Variants in TFAP4 observed in about 807,000 individuals in gnomAD.
TFAP4 encodes the protein activating enhancer-binding protein 4.
Under a neutral mutation model 40.4 loss-of-function variants are expected in TFAP4, and 7 were observed. That is an observed-to-expected ratio of 0.17 (90% CI 0.10 to 0.33). The LOEUF is 0.33. Ranked by LOEUF, TFAP4 falls within the 10% of genes least tolerant of loss-of-function variation. The pLI, the probability that TFAP4 is intolerant of heterozygous loss-of-function variation, is 1.00. For synonymous variants in TFAP4, 218 were observed against 181.4 expected, an observed-to-expected ratio of 1.20 and a Z score of -1.62; for missense variants, 374 against 451.1, an observed-to-expected ratio of 0.83 and a Z score of 1.55.
chr16:4,260,412 C>T, intron 5 of TFAP4, 43 bp downstream of exon 5: 1 of 1,536,516 alleles, frequency 6.5e-7, no homozygotes, highest in Non-Finnish European at 8.7e-7. Flanking sequence ...CACCTGTCCC[C>T]TTCCCGGTCC....
In TFAP4 at chr16:4,272,801, G is replaced by A; in HGVS notation, c.-55C>T. The A allele has an allele frequency of 6.5e-7, 1 of 1,530,936 alleles. No homozygotes were observed. The highest frequency in any genetic ancestry group is 1.2e-5 in the South Asian group (1 of 85,078). 94.8% of individuals were successfully genotyped at this position (1,530,936 alleles called of 1,614,324 possible). ...CAGGTCCCGCGATCAGCCGGAGAAT[G>A]CAAGATGGAAATCCGAATCAAAGGG... On this transcript the variant is annotated 5_prime_UTR_variant, in exon 1 of 7. Coordinates refer to ENST00000204517, the MANE Select transcript of TFAP4 (RefSeq NM_003223.3).
chr16:4,262,502 G>T (rs775943575), intron 2 of TFAP4, 34 bp downstream of exon 2: 4 of 1,612,890 alleles, frequency 2.5e-6, no homozygotes, highest in East Asian at 2.2e-5. Flanking sequence ...GAACCTGCCG[G>T]CTCCTCCAGG....
At chr16:4,262,944 G>C (rs560363597) in intron 1 of TFAP4, 9 of 542,862 alleles carry the variant, frequency 1.7e-5, no homozygotes, top group Non-Finnish European at 2.3e-5. Context: ...GGGAGGTCAA[G>C]GCCAAGGATC....
intron 6 of TFAP4, 195 bp from the exon 7 acceptor site, chr16:4,258,444 C>G (rs1027496047): frequency 3.6e-6 from 2 of 554,016 alleles, no homozygotes; most frequent in Non-Finnish European, 3.2e-6. Context: ...GACAAGCTCT[C>G]GCTATATCAC....
intron 1 of TFAP4, chr16:4,263,397 C>G (rs1009343480): frequency 6.6e-6 from 1 of 152,242 alleles, no homozygotes; most frequent in Admixed American, 6.5e-5. Flanking sequence ...CATTCAGGGA[C>G]GCTGTCCCCG....
intron 6 of TFAP4, among the ~76,000 whole-genome samples, chr16:4,259,254 C>A (rs2052924913): frequency 6.6e-6 from 1 of 151,914 alleles, no homozygotes; most frequent in South Asian, 2.1e-4. Context: ...CTGCCTCAGC[C>A]TCCCGAATAG....
rs1334193825 is a variant in TFAP4 at position 4,260,003 on chromosome 16, C to T, written c.822+87G>A. 3.4e-6 allele frequency: 5 copies of T among 1,462,028 alleles called. No homozygotes were observed. In the Admixed American group the frequency reaches 1.1e-4, roughly 33 times the overall value. 90.6% of individuals were successfully genotyped at this position (1,462,028 alleles called of 1,614,324 possible). A position where few individuals can be genotyped will look rare whatever the true frequency, so the allele number is the denominator to read the frequency against. On this transcript the variant is annotated intron_variant, in intron 6 of 6. Transcript: ENST00000204517. ...CCCACACAAGCACCATCTTCCTCCG[C>T]TTCTGCCCCTCTTTTCCAGTCTCCC...
intron 3 of TFAP4, 175 bp from the exon 4 acceptor site, chr16:4,262,124 C>T: frequency 3.4e-6 from 3 of 880,742 alleles, no homozygotes; most frequent in East Asian, 2.6e-5. Flanking sequence ...CTTTACATAA[C>T]AGTCACCTGG....
chr16:4,271,446 C>T (rs539256286), intron 1 of TFAP4, among the ~76,000 whole-genome samples: 17 of 151,878 alleles, frequency 1.1e-4, no homozygotes, highest in African/African-American at 3.9e-4. Flanking sequence ...GTAGAACGCC[C>T]ACCTCCCCCA....
Position 4,262,418 on chromosome 16 carries a change from G to A in TFAP4, c.260C>T (p.Ala87Val), listed in dbSNP as rs2052957414. 3.1e-6 allele frequency: 5 copies of A among 1,614,184 alleles called. No individual in the cohort carries two copies. Among genetic ancestry groups the A allele is most frequent in the East Asian group, 4.5e-5 (2 of 44,884 alleles). ...GTACTCGGCTGTCTGCTGGAGAATG[G>A]CTGCCTGAGGGCGTGGAAAAGCCGA... ...HTDGEKLSKA[A>V]ILQQTAEYIF... The change falls in exon 3 of 7, where the codon GCC (alanine) becomes GTC (valine). Residue 87 changes from alanine to valine, a missense_variant. By Grantham distance (64) the Ala-to-Val change is moderately conservative. Transcript: ENST00000204517.
At chr16:4,270,971 T>C (rs1253997342) in intron 1 of TFAP4, among the ~76,000 whole-genome samples, 1 of 152,234 alleles carries the variant, frequency 6.6e-6, no homozygotes, top group Non-Finnish European at 1.5e-5. Context: ...AAAGACACTT[T>C]TGACTCATAG....
At chr16:4,261,684 T>C (rs1423216042) in intron 4 of TFAP4, 95 bp downstream of exon 4, 87 of 1,374,490 alleles carry the variant, frequency 6.3e-5, no homozygotes, top group Non-Finnish European at 7.7e-5. Context: ...CTCCTGTAAA[T>C]AGGGCTCCAC....
chr16:4,260,224 T>TGGCCCCCCCCGGGGGGGGGGGGGGG lies in TFAP4; in HGVS notation c.687_688insCCCCCCCCCCCCCCCGGGGGGGGCC (p.Thr230ProfsTer90). 1 of 223,764 alleles carries TGGCCCCCCCCGGGGGGGGGGGGGGG rather than the reference T, an allele frequency of 4.5e-6. No individual in the cohort carries two copies. The highest frequency in any genetic ancestry group is 7.9e-6 in the Non-Finnish European group (1 of 126,040). The allele number at this position is 223,764 out of a possible 1,614,324, so 13.9% of individuals were successfully genotyped here. On this transcript the variant is annotated frameshift_variant, in exon 6 of 7. Transcript: ENST00000204517. LOFTEE classifies it high-confidence loss of function. ...GGCACGATCACCGTGGGGTGGTGGG[T>TGGCCCCCCCCGGGGGGGGGGGGGGG]GGGGGCCGGAGGGGGCAGAAGCTGC...
intron 1 of TFAP4, among the ~76,000 whole-genome samples, chr16:4,270,598 C>A (rs1478804087): frequency 6.6e-6 from 1 of 152,232 alleles, no homozygotes; most frequent in East Asian, 1.9e-4. Flanking sequence ...CCATGTCCAA[C>A]CCTGGACGAA....
In TFAP4 at chr16:4,262,334, C is replaced by T. The variant is rs370334406; in HGVS notation, c.344G>A (p.Arg115His). ...RLLQQNTQLK[R>H]FIQELSGSSP... ...AAGGACAGGGCGCACCTGGATGAAG[C>T]GCTTGAGCTGTGTGTTCTGCTGCAA... The change falls in exon 3 of 7, where the codon CGC (arginine) becomes CAC (histidine). Residue 115 changes from arginine to histidine, a missense_variant. Physicochemically the swap from Arg to His is conservative, Grantham distance 29 (BLOSUM62 0). This residue lies in a region of TFAP4 where 51 missense variants were observed against 91.1 expected (regional missense o/e 0.56). Transcript: ENST00000204517. 20 of 1,614,050 alleles carry T rather than the reference C, an allele frequency of 1.2e-5. No individual in the cohort carries two copies. The highest frequency in any genetic ancestry group is 2.2e-5 in the South Asian group (2 of 91,094).
intron 1 of TFAP4, chr16:4,262,976 T>A: frequency 2.1e-6 from 1 of 469,944 alleles, no homozygotes; most frequent in Non-Finnish European, 3.9e-6. Context: ...GAGTTTGAGA[T>A]CAGCCTAGGC....
intron 1 of TFAP4, chr16:4,264,864 T>C (rs536591060): frequency 6.6e-6 from 1 of 152,318 alleles, no homozygotes; most frequent in South Asian, 2.1e-4. Context: ...GAGATGTCCA[T>C]AGGAAGCCAC....
In TFAP4 at chr16:4,257,902, G is replaced by T. The variant is rs772177741; in HGVS notation, c.*153C>A. 7 of 777,744 alleles carry T rather than the reference G, an allele frequency of 9.0e-6. No individual in the cohort carries two copies. Among genetic ancestry groups the T allele is most frequent in the Non-Finnish European group, 1.4e-5 (7 of 502,608 alleles). 48.2% of individuals were successfully genotyped at this position (777,744 alleles called of 1,614,324 possible). A position where few individuals can be genotyped will look rare whatever the true frequency, so the allele number is the denominator to read the frequency against. On this transcript the variant is annotated 3_prime_UTR_variant, in exon 7 of 7. Transcript: ENST00000204517. ...CTCGGGTTGAGTGGCTTCGTTCAAAGGTCGATTTACAGTATTGAAAAAGAG... is the reference window on the plus strand; with the variant it reads ...CTCGGGTTGAGTGGCTTCGTTCAAATGTCGATTTACAGTATTGAAAAAGAG...
At position 4,262,131 on chromosome 16, in the gene TFAP4, C is replaced by T. The variant is rs1442402758; in HGVS notation, c.355-182G>A. The T allele has an allele frequency of 1.1e-5, 10 of 890,446 alleles. No individual in the cohort carries two copies. In the Admixed American group the frequency reaches 2.7e-4, roughly 24 times the overall value. 55.2% of individuals were successfully genotyped at this position (890,446 alleles called of 1,614,324 possible). A position where few individuals can be genotyped will look rare whatever the true frequency, so the allele number is the denominator to read the frequency against. ...ATGGGCTGCTTTACATAACAGTCAC[C>T]TGGCTCCTTCCAGAGCCCACTCCAC... On this transcript the variant is annotated intron_variant, in intron 3 of 6. Coordinates refer to ENST00000204517, the MANE Select transcript of TFAP4 (RefSeq NM_003223.3).
Sources: allele counts gnomAD v4.1 joint callset (sites outside exome capture counted in the v4.1 genomes callset), GRCh38; gene constraint gnomAD v4.1.1; regional missense constraint gnomAD v4.1.1; transcripts MANE v1.5; gene names NCBI Gene and HGNC (gene_info 2026-07-23, HGNC 2026-07-21).